PCNT: variants seen among roughly 807,000 people sequenced by gnomAD.
The protein encoded by PCNT is kendrin.
PCNT carries 319 observed loss-of-function variants against 380.4 expected under a neutral mutation model. The ratio of observed to expected loss-of-function variants is 0.84; its 90% CI spans 0.77 to 0.92. The LOEUF is 0.92. Ranked by LOEUF, PCNT falls within the 40% of genes least tolerant of loss-of-function variation. The probability of loss-of-function intolerance (pLI) is 0.00; values close to 1 mark genes in which losing one functional copy is unlikely to be tolerated. For synonymous variants in PCNT, 1,845 were observed against 1,735.2 expected (o/e 1.06, Z -1.57); for missense variants, 4,400 against 4,255.3 (o/e 1.03, Z -0.95).
chr21:46,324,416 C>G, intron 1 of PCNT, 134 bp downstream of exon 1: 1 of 809,598 alleles, frequency 1.2e-6, no homozygotes, highest in Non-Finnish European at 2.1e-6. Context: ...CTTTTTCCCG[C>G]CGGCTCCGCT....
rs753662756 is a variant in PCNT, at chr21:46,391,337, G to C, written c.4177G>C (p.Gly1393Arg). 43 of 1,556,722 alleles carry C rather than the reference G, an allele frequency of 2.8e-5. No homozygotes were observed. The highest frequency in any genetic ancestry group is 2.6e-4 in the South Asian group (22 of 84,534). Residue 1393 changes from glycine to arginine, a missense_variant, in exon 21 of 47, where the codon GGG (glycine) becomes CGG (arginine). Gly to Arg is a moderately radical substitution (Grantham distance 125). Transcript: ENST00000359568. ...GGAGTGCACCCGTCTGTGGAGTCGG[G>C]GGGAGGCCACAGCCACGGACGCCGA... ...REECTRLWSR[G>R]EATATDAEAR...
chr21:46,372,866 C>G (rs1445215738), intron 15 of PCNT, among the ~76,000 whole-genome samples: 1 of 152,224 alleles, frequency 6.6e-6, no homozygotes, highest in African/African-American at 2.4e-5. Context: ...GGTCTGTCTT[C>G]TCTGGAAAAG....
In PCNT at chr21:46,416,450, C is replaced by A; in HGVS notation, c.6532C>A (p.Pro2178Thr). 1 of 1,614,218 alleles carries A rather than the reference C, an allele frequency of 6.2e-7. No homozygotes were observed. Among genetic ancestry groups the A allele is most frequent in the Non-Finnish European group, 8.5e-7 (1 of 1,180,024 alleles). The change falls in exon 30 of 47, where the codon CCC becomes ACC. Residue 2178 changes from proline (P) to threonine (T), a missense_variant. Pro to Thr is a conservative substitution (Grantham distance 38). Transcript: ENST00000359568. The stretch of plus-strand genomic sequence containing the variant: ...GATACCAGATGAAATGCCAGATTCT[C>A]CCATTCAAGAAAAATCAGAATGTCA... The part of the protein sequence containing the change: ...SLIPDEMPDS[P>T]IQEKSECQDM...
chr21:46,373,967 A>G (rs757964825), intron 15 of PCNT, among the ~76,000 whole-genome samples: 4 of 151,786 alleles, frequency 2.6e-5, no homozygotes, highest in African/African-American at 7.3e-5. Context: ...TGACCTTGTG[A>G]TCTGTCCGTC....
At chr21:46,412,793 A>G (rs1264915267) in intron 28 of PCNT, 44 bp from the exon 29 acceptor site, 3 of 1,603,594 alleles carry the variant, frequency 1.9e-6, no homozygotes, top group East Asian at 2.2e-5. Context: ...AGCCCCAGCA[A>G]CAGCCTCCTG....
intron 2 of PCNT, among the ~76,000 whole-genome samples, chr21:46,327,155 G>T (rs2083421974): frequency 6.6e-6 from 1 of 151,686 alleles, no homozygotes; most frequent in Admixed American, 6.6e-5. Context: ...CCGCCTCCCG[G>T]GTTCATGCCA....
chr21:46,399,633 T>TTA lies in PCNT; in HGVS notation c.4629_4630dup (p.Asn1544IlefsTer16). On this transcript the variant is annotated frameshift_variant, in exon 25 of 47. Transcript: ENST00000359568. LOFTEE classifies it high-confidence loss of function. The stretch of plus-strand genomic sequence containing the variant: ...AAGTTGAGAGAAAAGTTGGATGAAT[T>TTA]TAATGAATTGGCTATACAGAAAGAG... 1.2e-6 allele frequency: 2 copies of TTA among 1,614,014 alleles called. No individual in the cohort carries two copies. Among genetic ancestry groups the TTA allele is most frequent in the Non-Finnish European group, 1.7e-6 (2 of 1,179,844 alleles).
intron 15 of PCNT, among the ~76,000 whole-genome samples, chr21:46,375,306 T>C (rs1203600168): frequency 6.6e-6 from 1 of 152,210 alleles, no homozygotes; most frequent in African/African-American, 2.4e-5. Context: ...ATTATTTTAA[T>C]ATTAAGATAA....
chr21:46,380,117 A>C (rs2085466227), intron 15 of PCNT, among the ~76,000 whole-genome samples: 1 of 133,782 alleles, frequency 7.5e-6, no homozygotes. Flanking sequence ...CTTGACACTG[A>C]CTGTTTCCAA....
intron 3 of PCNT, among the ~76,000 whole-genome samples, chr21:46,337,416 C>G (rs2083781929): frequency 6.6e-6 from 1 of 152,194 alleles, no homozygotes; most frequent in African/African-American, 2.4e-5. Context: ...TTTTCAGTTT[C>G]CAGTCACAAC....
intron 15 of PCNT, among the ~76,000 whole-genome samples, chr21:46,381,405 C>T (rs1365329990): frequency 1.3e-5 from 2 of 152,124 alleles, no homozygotes; most frequent in African/African-American, 2.4e-5. Flanking sequence ...AAAGATGTTA[C>T]AGGAGCCATT....
chr21:46,360,246 G>A (rs11909986), intron 13 of PCNT, among the ~76,000 whole-genome samples: 35,443 of 112,634 alleles, frequency 0.31, 5,946 homozygotes, highest in East Asian at 0.42. Flanking sequence ...TTTTAAAGAC[G>A]GAATCTCACT....
Position 46,412,831 on chromosome 21 carries a change from G to T in PCNT, c.5995-6G>T, listed in dbSNP as rs753903146. ...TGCTCAGCTTTCCTCTGTCTCCTCT[G>T]TCAAGGGTGATCTGCAGCCTGTCCT... On this transcript the variant is annotated splice_region_variant and splice_polypyrimidine_tract_variant and intron_variant, in intron 28 of 46. Transcript: ENST00000359568. 10 of 1,610,514 alleles carry T rather than the reference G, an allele frequency of 6.2e-6. No homozygotes were observed. Among genetic ancestry groups the T allele is most frequent in the Non-Finnish European group, 6.8e-6 (8 of 1,179,994 alleles).
intron 15 of PCNT, among the ~76,000 whole-genome samples, chr21:46,372,013 C>G (rs1358157516): frequency 1.3e-5 from 2 of 151,308 alleles, no homozygotes; most frequent in Admixed American, 6.6e-5. Flanking sequence ...ACAGCACATG[C>G]ACACACACAG....
chr21:46,389,059 C>T, intron 18 of PCNT, 140 bp from the exon 19 acceptor site: 1 of 1,276,738 alleles, frequency 7.8e-7, no homozygotes, highest in Non-Finnish European at 1.1e-6. Flanking sequence ...CTAAATTTGT[C>T]AGCTCCCGTG....
chr21:46,403,152 A>AGT (rs754330450), intron 27 of PCNT, among the ~76,000 whole-genome samples: 1 of 112,186 alleles, frequency 8.9e-6, no homozygotes, highest in African/African-American at 3.4e-5. Flanking sequence ...TGGGAGAATT[A>AGT]GTGTGTGTGG....
chr21:46,383,589 T>C (rs1422138766), intron 16 of PCNT, among the ~76,000 whole-genome samples: 1 of 141,800 alleles, frequency 7.1e-6, no homozygotes, highest in East Asian at 2.2e-4. Context: ...TGCTGTGCAT[T>C]CAGCAGCGGA....
intron 13 of PCNT, among the ~76,000 whole-genome samples, chr21:46,362,830 G>A (rs2084766481): frequency 6.6e-6 from 1 of 151,316 alleles, no homozygotes; most frequent in Non-Finnish European, 1.5e-5. Context: ...CTGTGATTGT[G>A]CCCCTGCACT....
At position 46,443,800 on chromosome 21, in the gene PCNT, T is replaced by G. The variant is rs758790158; in HGVS notation, c.9701-10T>G. 8.1e-6 allele frequency: 13 copies of G among 1,613,650 alleles called. No homozygotes were observed. The highest frequency in any genetic ancestry group is 1.1e-5 in the Non-Finnish European group (13 of 1,179,912). ...CCTAATCCCTTGGTTGTTAAATAAT[T>G]CTGGGGAAGGGCCCCGAGCACGACA... On this transcript the variant is annotated splice_polypyrimidine_tract_variant and intron_variant, in intron 44 of 46. Coordinates refer to ENST00000359568, the MANE Select transcript of PCNT (RefSeq NM_006031.6).
Sources: allele counts gnomAD v4.1 joint callset (sites outside exome capture counted in the v4.1 genomes callset), GRCh38; gene constraint gnomAD v4.1.1; transcripts MANE v1.5; gene names NCBI Gene and HGNC (gene_info 2026-07-23, HGNC 2026-07-21).